Variants in RPS6KC1 observed in about 807,000 individuals in gnomAD.
RPS6KC1 encodes inactive ribosomal protein S6 kinase delta-1.
RPS6KC1 carries 54 observed loss-of-function variants against 103.8 expected under a neutral mutation model. The observed-to-expected ratio is 0.52, with a 90% confidence interval of 0.42 to 0.65. RPS6KC1 has a LOEUF of 0.65. RPS6KC1 is among the 30% of genes least tolerant of loss of function. The probability of loss-of-function intolerance (pLI) is 0.00; values close to 1 mark genes in which losing one functional copy is unlikely to be tolerated. For missense variants in RPS6KC1, 1,151 were observed against 1,253.8 expected (o/e 0.92, Z 1.24); for synonymous variants, 439 against 438.7 (o/e 1.00, Z -0.01).
At chr1:213,808,092 T>C in the RPS6KC1 span, among the ~76,000 whole-genome samples, 22 of 152,074 alleles carry the variant, frequency 1.4e-4, no homozygotes, top group Admixed American at 1.3e-4. Context: ...AGAACAGTGG[T>C]TTTTCGTGAA....
chr1:213,111,572 A>G (rs1380012792), intron 4 of RPS6KC1, among the ~76,000 whole-genome samples: 1 of 152,156 alleles, frequency 6.6e-6, no homozygotes, highest in Non-Finnish European at 1.5e-5. Context: ...TTGCATTTTA[A>G]ATTTTATCTT....
chr1:213,719,112 T>G, the RPS6KC1 span, among the ~76,000 whole-genome samples: 1 of 152,178 alleles, frequency 6.6e-6, no homozygotes, highest in Non-Finnish European at 1.5e-5. Context: ...AATGAGAAAT[T>G]ATAAGAAAGC....
At chr1:213,181,994 C>T (rs2092293702) in intron 8 of RPS6KC1, among the ~76,000 whole-genome samples, 1 of 152,130 alleles carries the variant, frequency 6.6e-6, no homozygotes, top group Non-Finnish European at 1.5e-5. Flanking sequence ...AAAATTCTAA[C>T]ACTCTCTGAT....
chr1:213,328,177 T>C, the RPS6KC1 span, among the ~76,000 whole-genome samples: 1 of 152,230 alleles, frequency 6.6e-6, no homozygotes, highest in African/African-American at 2.4e-5. Flanking sequence ...TGGCTTTCAA[T>C]AGGCATGCAA....
intron 5 of RPS6KC1, 130 bp downstream of exon 5, chr1:213,117,540 T>C (rs1425079710): frequency 3.8e-6 from 2 of 529,964 alleles, no homozygotes; most frequent in African/African-American, 2.0e-5. Context: ...GATGCTTTTT[T>C]TCTTTACATT....
chr1:213,073,882 G>A (rs1215261130), intron 2 of RPS6KC1, among the ~76,000 whole-genome samples: 1 of 151,970 alleles, frequency 6.6e-6, no homozygotes, highest in East Asian at 1.9e-4. Context: ...TACCATGTTG[G>A]CCAGGCAGGT....
At chr1:213,644,880 A>G in the RPS6KC1 span, among the ~76,000 whole-genome samples, 3 of 152,180 alleles carry the variant, frequency 2.0e-5, no homozygotes, top group Non-Finnish European at 4.4e-5. Flanking sequence ...ATTTTTGGCA[A>G]TCTGATCAGT....
chr1:213,661,281 A>G, the RPS6KC1 span, among the ~76,000 whole-genome samples: 2 of 152,198 alleles, frequency 1.3e-5, no homozygotes, highest in African/African-American at 4.8e-5. Context: ...TATTGCAGAA[A>G]CCAGGGGCTG....
intron 8 of RPS6KC1, among the ~76,000 whole-genome samples, chr1:213,203,167 A>G (rs372604937): frequency 2.3e-4 from 35 of 152,232 alleles, no homozygotes; most frequent in African/African-American, 8.2e-4. Flanking sequence ...CAGATTTTGA[A>G]GTTTTTCAGA....
At chr1:213,337,795 A>T in the RPS6KC1 span, among the ~76,000 whole-genome samples, 1 of 152,194 alleles carries the variant, frequency 6.6e-6, no homozygotes, top group Non-Finnish European at 1.5e-5. Flanking sequence ...ACAGCTCCAC[A>T]CAAAATGGGC....
At chr1:213,197,948 G>A (rs549953342) in intron 8 of RPS6KC1, among the ~76,000 whole-genome samples, 27 of 152,180 alleles carry the variant, frequency 1.8e-4, no homozygotes, top group African/African-American at 5.3e-4. Context: ...ATTTACAGTC[G>A]ATGTTAGTAT....
At chr1:213,081,568 T>G (rs1474950577) in intron 3 of RPS6KC1, among the ~76,000 whole-genome samples, 1 of 151,902 alleles carries the variant, frequency 6.6e-6, no homozygotes, top group African/African-American at 2.4e-5. Flanking sequence ...TGTACTAGGG[T>G]TGGTCTGTGT....
At chr1:213,363,829 T>G in the RPS6KC1 span, among the ~76,000 whole-genome samples, 1 of 144,440 alleles carries the variant, frequency 6.9e-6, no homozygotes, top group Non-Finnish European at 1.5e-5. Flanking sequence ...CTCTTTTTTT[T>G]TTTTTTCTGG....
the RPS6KC1 span, among the ~76,000 whole-genome samples, chr1:213,409,165 C>T: frequency 6.6e-5 from 10 of 152,228 alleles, no homozygotes; most frequent in East Asian, 7.8e-4. Flanking sequence ...AGGGCAGGTC[C>T]CACGCTTGTC....
chr1:213,249,913 G>A (rs2094515834), intron 12 of RPS6KC1, among the ~76,000 whole-genome samples: 1 of 152,186 alleles, frequency 6.6e-6, no homozygotes. Flanking sequence ...TTTGACTTAA[G>A]TTGTACAGAT....
At chr1:213,400,621 T>G in the RPS6KC1 span, among the ~76,000 whole-genome samples, 1 of 152,094 alleles carries the variant, frequency 6.6e-6, no homozygotes, top group Non-Finnish European at 1.5e-5. Flanking sequence ...GCTTTGGGAC[T>G]GGAACCCAGG....
At chr1:213,743,701 C>T in the RPS6KC1 span, among the ~76,000 whole-genome samples, 1 of 152,152 alleles carries the variant, frequency 6.6e-6, no homozygotes, top group Admixed American at 6.5e-5. Context: ...AAAGACCCAA[C>T]AGGTCATGGG....
the RPS6KC1 span, among the ~76,000 whole-genome samples, chr1:213,316,511 A>G: frequency 3.5e-4 from 54 of 152,378 alleles, 1 homozygote; most frequent in African/African-American, 1.2e-3. Flanking sequence ...AGAAATAGTT[A>G]CTGAGTGTCT....
the RPS6KC1 span, among the ~76,000 whole-genome samples, chr1:213,534,703 T>C: frequency 2.0e-5 from 3 of 152,218 alleles, no homozygotes. Context: ...CATTAAGAGA[T>C]GAACAATTTA....
Sources: gnomAD v4.1 joint callset for allele counts (sites outside exome capture counted in the v4.1 genomes callset) on GRCh38, gnomAD v4.1.1 for gene constraint, MANE v1.5 for transcripts, NCBI Gene and HGNC (gene_info 2026-07-23, HGNC 2026-07-21) for gene names.